The following COL4A1 variants were observed in gnomAD, a reference collection of about 807,000 sequenced individuals.
COL4A1 encodes the protein collagen alpha-1(IV) chain.
Under a neutral mutation model 216.6 loss-of-function variants are expected in COL4A1, and 40 were observed. The ratio of observed to expected loss-of-function variants is 0.18; its 90% CI spans 0.14 to 0.24. The LOEUF (loss-of-function observed/expected upper bound fraction) is 0.24. COL4A1 is among the 10% of genes least tolerant of loss of function. The probability of loss-of-function intolerance (pLI) is 1.00; values close to 1 mark genes in which losing one functional copy is unlikely to be tolerated. For missense variants in COL4A1, 1,628 were observed against 2,196.8 expected (o/e 0.74, Z 5.18); for synonymous variants, 839 against 810.7 (o/e 1.03, Z -0.59).
At chr13:110,253,838 G>C in intron 1 of COL4A1, among the ~76,000 whole-genome samples, 1 of 134,660 alleles carries the variant, frequency 7.4e-6, no homozygotes. Context: ...TTATATATAC[G>C]TATAATTATA....
intron 18 of COL4A1, among the ~76,000 whole-genome samples, chr13:110,202,278 G>A (rs556762058): frequency 2.2e-3 from 326 of 150,444 alleles, no homozygotes; most frequent in East Asian, 6.2e-3. Context: ...CCTTAAGGTC[G>A]CAAGACAAGA....
chr13:110,262,656 G>T (rs1882875887), intron 1 of COL4A1, among the ~76,000 whole-genome samples: 1 of 151,946 alleles, frequency 6.6e-6, no homozygotes, highest in South Asian at 2.1e-4. Flanking sequence ...TAACCCCCAG[G>T]GTCCAGAGTT....
At chr13:110,200,824 T>C in intron 20 of COL4A1, 30 bp downstream of exon 20, 1 of 1,609,904 alleles carries the variant, frequency 6.2e-7, no homozygotes, top group Non-Finnish European at 8.5e-7. Flanking sequence ...TGTGCAAGTA[T>C]GCTATAACAA....
intron 1 of COL4A1, among the ~76,000 whole-genome samples, chr13:110,280,776 T>C (rs1883598444): frequency 1.3e-5 from 2 of 152,240 alleles, no homozygotes. Context: ...TGAATATAAA[T>C]GTGAAGGAGA....
At chr13:110,164,642 TC>T (rs1877248676) in intron 46 of COL4A1, among the ~76,000 whole-genome samples, 1 of 151,684 alleles carries the variant, frequency 6.6e-6, no homozygotes, top group Admixed American at 6.6e-5. Context: ...TGTTATGTGT[TC>T]CTCTAGCTTT....
chr13:110,182,979 T>C lies in COL4A1; in HGVS notation c.2095+14A>G. 8 of 1,608,880 alleles carry C rather than the reference T, an allele frequency of 5.0e-6. No individual in the cohort carries two copies. Among genetic ancestry groups the C allele is most frequent in the Non-Finnish European group, 6.8e-6 (8 of 1,178,030 alleles). On this transcript the variant is annotated intron_variant, in intron 28 of 51. Transcript: ENST00000375820. ...CAGGTGGACCAAAGGCTCGGGTCCGTCTGGCAGGGTTACCTTTGGGGCCGG... is the reference window on the plus strand; with the variant it reads ...CAGGTGGACCAAAGGCTCGGGTCCGCCTGGCAGGGTTACCTTTGGGGCCGG...
Position 110,155,347 on chromosome 13 carries a change from G to A in COL4A1, c.4691C>T (p.Thr1564Ile), listed in dbSNP as rs866262017. 1 of 1,614,212 alleles carries A rather than the reference G, an allele frequency of 6.2e-7. No homozygotes were observed. The highest frequency in any genetic ancestry group is 8.5e-7 in the Non-Finnish European group (1 of 1,180,040). ...GCTGGGGCACGGTGGGATCTGAATG[G>A]TCTGGCTGTGCACGGCCATCACCAT... Reference protein sequence around the residue: ...PAMVMAVHSQTIQIPPCPSGW... With the variant: ...PAMVMAVHSQIIQIPPCPSGW... Residue 1564 changes from threonine (T) to isoleucine (I), a missense_variant, in exon 50 of 52, where the codon ACC (threonine) becomes ATC (isoleucine). By Grantham distance (89) the Thr-to-Ile change is moderately conservative. Transcript: ENST00000375820.
At chr13:110,167,329 T>G in intron 43 of COL4A1, 99 bp from the exon 44 acceptor site, 2 of 898,500 alleles carry the variant, frequency 2.2e-6, no homozygotes, top group Non-Finnish European at 1.9e-6. Context: ...CCCTCAATGT[T>G]CTGGAAAGCA....
chr13:110,248,419 G>T (rs1434331160), intron 1 of COL4A1, among the ~76,000 whole-genome samples: 1 of 152,142 alleles, frequency 6.6e-6, no homozygotes, highest in East Asian at 1.9e-4. Flanking sequence ...CACTCCCAGG[G>T]ATAAGCCCCA....
At chr13:110,209,872 G>A (rs1161665744) in intron 10 of COL4A1, 108 bp downstream of exon 10, 2 of 1,348,890 alleles carry the variant, frequency 1.5e-6, no homozygotes, top group African/African-American at 1.4e-5. Flanking sequence ...TCCAAATTAA[G>A]AGCGACCACA....
intron 1 of COL4A1, among the ~76,000 whole-genome samples, chr13:110,289,821 C>A (rs1884012649): frequency 6.6e-6 from 1 of 152,180 alleles, no homozygotes; most frequent in Non-Finnish European, 1.5e-5. Flanking sequence ...CTCAAGGTGG[C>A]TGGCACGGAC....
chr13:110,282,351 C>T (rs1416084246), intron 1 of COL4A1, among the ~76,000 whole-genome samples: 1 of 152,164 alleles, frequency 6.6e-6, no homozygotes, highest in Non-Finnish European at 1.5e-5. Flanking sequence ...TCAAGGGAAG[C>T]TGGTGGTGAC....
intron 1 of COL4A1, among the ~76,000 whole-genome samples, chr13:110,286,614 C>T (rs777561752): frequency 1.3e-5 from 2 of 152,152 alleles, no homozygotes; most frequent in African/African-American, 2.4e-5. Context: ...CTAGGCACCC[C>T]GGAGTGCCAG....
At chr13:110,264,398 C>T (rs1368887251) in intron 1 of COL4A1, among the ~76,000 whole-genome samples, 1 of 152,108 alleles carries the variant, frequency 6.6e-6, no homozygotes, top group African/African-American at 2.4e-5. Context: ...AACTTGGCAA[C>T]CACCCTCCTA....
intron 28 of COL4A1, among the ~76,000 whole-genome samples, chr13:110,181,736 T>C (rs770351159): frequency 7.2e-5 from 11 of 152,112 alleles, no homozygotes; most frequent in Non-Finnish European, 1.3e-4. Flanking sequence ...CTACTCAAGG[T>C]GTGGTTGGGG....
intron 1 of COL4A1, among the ~76,000 whole-genome samples, chr13:110,261,923 A>G (rs1265396769): frequency 6.6e-6 from 1 of 152,212 alleles, no homozygotes; most frequent in Non-Finnish European, 1.5e-5. Context: ...GCCAGCACAC[A>G]GTGGCTGCAC....
At chr13:110,152,608 G>A in intron 50 of COL4A1, 102 bp from the exon 51 acceptor site, 1 of 1,309,308 alleles carries the variant, frequency 7.6e-7, no homozygotes, top group Non-Finnish European at 1.1e-6. Flanking sequence ...CCTCTGGAAA[G>A]CCACACACTG....
rs956581859 is a variant in COL4A1, at chr13:110,198,702, C to T, written c.1121-71G>A. On this transcript the variant is annotated intron_variant, in intron 20 of 51. Transcript: ENST00000375820. Reference sequence around the variant, plus strand: ...GCAACTACAGCATAAACTCATTCTCCTAACTCTGTTCAAGGTAAAAATCCA... The same window carrying T: ...GCAACTACAGCATAAACTCATTCTCTTAACTCTGTTCAAGGTAAAAATCCA... 7 of 1,591,684 alleles carry T rather than the reference C, an allele frequency of 4.4e-6. No individual in the cohort carries two copies. In the African/African-American group the frequency reaches 8.1e-5, roughly 18 times the overall value.
rs1878441079 is a variant in COL4A1 at position 110,187,194 on chromosome 13, C to T, written c.1672G>A (p.Ala558Thr). ...FPGQPGMPGR[A>T]GSPGRDGHPG... Reference sequence around the variant, plus strand: ...TGGCCATCTCTTCCAGGAGAACCCGCTCTCCCTGGCATGCCGGGCTGTCCT... The same window carrying T: ...TGGCCATCTCTTCCAGGAGAACCCGTTCTCCCTGGCATGCCGGGCTGTCCT... The change falls in exon 25 of 52, where the codon GCG (alanine) becomes ACG (threonine). Residue 558 changes from alanine (A) to threonine (T), a missense_variant. Ala to Thr is a moderately conservative substitution (Grantham distance 58, BLOSUM62 0). This residue lies in a region of COL4A1 where 701 missense variants were observed against 892.5 expected (regional missense o/e 0.79). Transcript: ENST00000375820. 17 of 1,613,894 alleles carry T rather than the reference C, an allele frequency of 1.1e-5. No homozygotes were observed. The highest frequency in any genetic ancestry group is 1.4e-5 in the Non-Finnish European group (17 of 1,179,936).
Sources: gnomAD v4.1 joint callset for allele counts (sites outside exome capture counted in the v4.1 genomes callset) on GRCh38, gnomAD v4.1.1 for gene constraint, gnomAD v4.1.1 regional missense constraint, MANE v1.5 for transcripts, NCBI Gene and HGNC (gene_info 2026-07-23, HGNC 2026-07-21) for gene names.